Variants in DIP2B observed in about 807,000 individuals in gnomAD.
DIP2B encodes DIP2 acetate--CoA ligase B (putative), also known as disco-interacting protein 2 homolog B.
Under a neutral mutation model 198.0 loss-of-function variants are expected in DIP2B, and 76 were observed. The ratio of observed to expected loss-of-function variants is 0.38; its 90% confidence interval spans 0.32 to 0.46. The LOEUF (loss-of-function observed/expected upper bound fraction) is 0.46, where lower values mean the gene tolerates loss of function less well. DIP2B is among the 20% of genes least tolerant of loss of function. The pLI is 0.99. For synonymous variants in DIP2B, 701 were observed against 739.1 expected, an observed-to-expected ratio of 0.95 and a Z score of 0.84; for missense variants, 1,559 against 1,978.4, an observed-to-expected ratio of 0.79 and a Z score of 4.02.
intron 1 of DIP2B, among the ~76,000 whole-genome samples, chr12:50,542,308 A>G (rs554461131): frequency 6.6e-6 from 1 of 152,268 alleles, no homozygotes; most frequent in East Asian, 1.9e-4. Context: ...CATAAAGAGA[A>G]TGGGAAAAGG....
At chr12:50,648,060 C>T (rs561419638) in intron 3 of DIP2B, among the ~76,000 whole-genome samples, 22 of 152,168 alleles carry the variant, frequency 1.4e-4, no homozygotes, top group African/African-American at 3.4e-4. Context: ...GAGCCAACAT[C>T]GCGCCACTGC....
chr12:50,570,180 T>C lies in DIP2B; in HGVS notation c.101-55796T>C, dbSNP rs532158178. ...AGTTCTCCGATTTTTCCTTTAGATA[T>C]CCGATTTAAAATCTTGATATCTTGA... On this transcript the variant is annotated intron_variant, in intron 1 of 37. Coordinates refer to ENST00000301180, the MANE Select transcript of DIP2B (RefSeq NM_173602.3). Among the ~76,000 whole-genome samples, 227 of 152,350 alleles carry C rather than the reference T, an allele frequency of 1.5e-3. 1 individual carries two copies. The highest frequency in any genetic ancestry group is 2.7e-3 in the Non-Finnish European group (184 of 68,032).
chr12:50,618,382 G>A (rs1937742010), intron 1 of DIP2B, among the ~76,000 whole-genome samples: 1 of 152,096 alleles, frequency 6.6e-6, no homozygotes, highest in Admixed American at 6.6e-5. Flanking sequence ...TCTGTTCATC[G>A]GTGATTGAAA....
At chr12:50,586,154 A>G (rs1391216637) in intron 1 of DIP2B, among the ~76,000 whole-genome samples, 1 of 152,256 alleles carries the variant, frequency 6.6e-6, no homozygotes, top group African/African-American at 2.4e-5. Flanking sequence ...AGGCTCTGCC[A>G]GCCTCACTGT....
intron 1 of DIP2B, among the ~76,000 whole-genome samples, chr12:50,513,783 A>G (rs919553780): frequency 2.0e-5 from 3 of 151,290 alleles, no homozygotes; most frequent in African/African-American, 7.3e-5. Context: ...CTGTGGCAGG[A>G]GAATTGCTTG....
Position 50,737,077 on chromosome 12 carries a change from C to A in DIP2B, c.4143C>A (p.Thr1381=). 6.2e-7 allele frequency: 1 copy of A among 1,613,992 alleles called. No homozygotes were observed. Among genetic ancestry groups the A allele is most frequent in the African/African-American group, 1.3e-5 (1 of 75,014 alleles). The change falls in exon 35 of 38, where the codon ACC becomes ACA. Residue 1381 remains threonine, a synonymous_variant. Coordinates refer to ENST00000301180, the MANE Select transcript of DIP2B (RefSeq NM_173602.3). ...GVKVVIVNPE[T]KGPVGDSHLG... is the part of the protein sequence containing the mutation. ...AAGTGGTTATTGTTAATCCTGAGAC[C>A]AAAGGGCCGGTTGGAGACTCTCACC...
intron 13 of DIP2B, 141 bp downstream of exon 13, chr12:50,691,292 T>C (rs1939218001): frequency 1.0e-5 from 8 of 800,596 alleles, no homozygotes; most frequent in Non-Finnish European, 1.5e-5. Flanking sequence ...TTGCTTTTGT[T>C]TTCTTCTTCT....
intron 1 of DIP2B, among the ~76,000 whole-genome samples, chr12:50,577,260 C>A (rs1271300034): frequency 6.6e-6 from 1 of 152,082 alleles, no homozygotes; most frequent in Non-Finnish European, 1.5e-5. Context: ...GGCCAGGCGC[C>A]ATGGCTCATG....
At chr12:50,555,252 T>TAA (rs1958460452) in intron 1 of DIP2B, among the ~76,000 whole-genome samples, 1 of 152,044 alleles carries the variant, frequency 6.6e-6, no homozygotes. Context: ...CTAGGAGTCT[T>TAA]TTCTTATCTT....
At chr12:50,658,416 T>C (rs1938590416) in intron 3 of DIP2B, among the ~76,000 whole-genome samples, 1 of 152,116 alleles carries the variant, frequency 6.6e-6, no homozygotes, top group Non-Finnish European at 1.5e-5. Flanking sequence ...GGATTACAGG[T>C]GTGAGCCATT....
intron 3 of DIP2B, among the ~76,000 whole-genome samples, chr12:50,650,924 C>A (rs962940641): frequency 1.3e-5 from 2 of 152,146 alleles, no homozygotes; most frequent in Non-Finnish European, 2.9e-5. Flanking sequence ...ACAATCCCAC[C>A]AGTGGTGCAC....
rs17124850 is a variant in DIP2B, at chr12:50,661,580, C to T, written c.427+1261C>T. Among the ~76,000 whole-genome samples the T allele has an allele frequency of 2.9e-3, 447 of 152,232 alleles. 5 individuals carry two copies. The highest frequency in any genetic ancestry group is 0.01 in the African/African-American group (421 of 41,532). ...AAATGTATCACAGGGTACCTCTAGCCGGCTATCACAGTAAGACAGTTTGTG... is the reference window on the plus strand; with the variant it reads ...AAATGTATCACAGGGTACCTCTAGCTGGCTATCACAGTAAGACAGTTTGTG... On this transcript the variant is annotated intron_variant, in intron 4 of 37. Transcript: ENST00000301180.
At chr12:50,512,478 C>G (rs186514308) in intron 1 of DIP2B, among the ~76,000 whole-genome samples, 1 of 151,976 alleles carries the variant, frequency 6.6e-6, no homozygotes. Context: ...CTATTTATTT[C>G]TTATATTGTT....
rs1205734576 is a variant in DIP2B, at chr12:50,664,830, G to GTTTTTTTTTTT, written c.427+4516_427+4517insTTTTTTTTTTT. 1.1e-4 allele frequency among the ~76,000 whole-genome samples: 11 copies of GTTTTTTTTTTT among 99,644 alleles called. 4 individuals carry two copies. The highest frequency in any genetic ancestry group is 2.9e-4 in the African/African-American group (7 of 23,974). The allele number at this position is 99,644 out of a possible 152,430, so 65.4% of individuals were successfully genotyped here. A position where few individuals can be genotyped will look rare whatever the true frequency, so the allele number is the denominator to read the frequency against. ...CAAGGAGAATTTCCCTCCTTTTTTG[G>GTTTTTTTTTTT]TTTTTGTTTTTTTTTTTTTTTTTTT... On this transcript the variant is annotated intron_variant, in intron 4 of 37. Coordinates refer to ENST00000301180, the MANE Select transcript of DIP2B (RefSeq NM_173602.3).
intron 1 of DIP2B, among the ~76,000 whole-genome samples, chr12:50,531,902 C>A (rs1958220353): frequency 6.6e-6 from 1 of 152,038 alleles, no homozygotes; most frequent in Non-Finnish European, 1.5e-5. Context: ...TATTTGATGG[C>A]CAAACAAATG....
intron 1 of DIP2B, among the ~76,000 whole-genome samples, chr12:50,565,279 G>A (rs1432261783): frequency 1.3e-5 from 2 of 150,968 alleles, no homozygotes; most frequent in African/African-American, 4.9e-5. Flanking sequence ...TTGCAGGCAT[G>A]AGCCACCATG....
At chr12:50,726,451 A>C (rs1202582934) in intron 28 of DIP2B, among the ~76,000 whole-genome samples, 1 of 152,076 alleles carries the variant, frequency 6.6e-6, no homozygotes, top group Non-Finnish European at 1.5e-5. Context: ...CCTGGGTTCA[A>C]GGGATTCTCC....
At chr12:50,644,116 A>G (rs183221186) in intron 3 of DIP2B, among the ~76,000 whole-genome samples, 232 of 152,328 alleles carry the variant, frequency 1.5e-3, no homozygotes, top group Non-Finnish European at 2.1e-3. Flanking sequence ...GACACAGTAT[A>G]AAGAACTTAC....
chr12:50,645,408 G>A (rs1425377962), intron 3 of DIP2B, among the ~76,000 whole-genome samples: 2 of 151,278 alleles, frequency 1.3e-5, no homozygotes, highest in African/African-American at 4.9e-5. Context: ...TTTTATGAAC[G>A]TTAAAATGAG....
Sources: allele counts gnomAD v4.1 joint callset (sites outside exome capture counted in the v4.1 genomes callset), GRCh38; gene constraint gnomAD v4.1.1; transcripts MANE v1.5; gene names NCBI Gene and HGNC (gene_info 2026-07-23, HGNC 2026-07-21).